The following MALRD1 variants were observed in gnomAD, a reference collection of about 807,000 sequenced individuals.
MALRD1 encodes MAM and LDL receptor class A domain containing 1.
In MALRD1, 247 loss-of-function variants were observed where a neutral mutation model predicts 242.1. The ratio of observed to expected loss-of-function variants is 1.02; its 90% CI spans 0.92 to 1.13. The LOEUF (loss-of-function observed/expected upper bound fraction) is 1.13, where lower values mean the gene tolerates loss of function less well. Among genes scored for constraint, MALRD1 ranks in the 50% most tolerant of loss-of-function variants. MALRD1 has a pLI of 0.00. For synonymous variants in MALRD1, 995 were observed against 866.6 expected, an observed-to-expected ratio of 1.15 and a Z score of -2.60; for missense variants, 2,989 against 2,533.1, an observed-to-expected ratio of 1.18 and a Z score of -3.86.
intron 36 of MALRD1, among the ~76,000 whole-genome samples, chr10:19,670,447 C>G (rs1376803255): frequency 1.3e-5 from 2 of 152,162 alleles, no homozygotes; most frequent in African/African-American, 4.8e-5. Context: ...TGGTCTTGCT[C>G]TCTTTTTCAG....
At chr10:19,724,149 G>A (rs865853830) in intron 38 of MALRD1, among the ~76,000 whole-genome samples, 6 of 152,140 alleles carry the variant, frequency 3.9e-5, no homozygotes, top group Admixed American at 1.3e-4. Flanking sequence ...TATTGTAACA[G>A]TGTTACTCCC....
At position 19,635,224 on chromosome 10, in the gene MALRD1, C is replaced by T. The variant is rs74930133; in HGVS notation, c.6137+19301C>T. 9.3e-3 allele frequency among the ~76,000 whole-genome samples: 1,407 copies of T among 151,758 alleles called. 18 individuals are homozygous for T. The highest frequency in any genetic ancestry group is 0.032 in the African/African-American group (1,320 of 41,390). On this transcript the variant is annotated intron_variant, in intron 36 of 39. Coordinates refer to ENST00000454679, the MANE Select transcript of MALRD1 (RefSeq NM_001142308.3). ...GAGAAAACTTCAATTCAAGAGAAGC[C>T]CAAAAATAAAACTCCAAGATAGTAA...
At chr10:19,491,273 A>T in intron 29 of MALRD1, 1 of 698,070 alleles carries the variant, frequency 1.4e-6, no homozygotes, top group Non-Finnish European at 2.4e-6. Context: ...TGAGAATCAC[A>T]GGCAAGGAGA....
intron 31 of MALRD1, among the ~76,000 whole-genome samples, chr10:19,519,434 C>T (rs1352131046): frequency 2.0e-5 from 3 of 152,088 alleles, no homozygotes; most frequent in Non-Finnish European, 2.9e-5. Context: ...TCATTATATA[C>T]TTTGAAAAAT....
At chr10:19,281,822 A>G (rs1265905790) in intron 20 of MALRD1, among the ~76,000 whole-genome samples, 3 of 152,062 alleles carry the variant, frequency 2.0e-5, no homozygotes, top group South Asian at 2.1e-4. Flanking sequence ...AAGAATACAC[A>G]AATTAGCTGG....
intron 28 of MALRD1, among the ~76,000 whole-genome samples, chr10:19,411,884 A>G (rs2130886465): frequency 6.6e-6 from 1 of 152,360 alleles, no homozygotes; most frequent in Admixed American, 6.5e-5. Context: ...TTCTGATTAA[A>G]TGTGTAAGCT....
intron 14 of MALRD1, among the ~76,000 whole-genome samples, chr10:19,191,301 A>G (rs1427822963): frequency 6.6e-6 from 1 of 152,172 alleles, no homozygotes; most frequent in Non-Finnish European, 1.5e-5. Context: ...CAAAAATAAT[A>G]AAAACCAAAA....
chr10:19,148,955 A>T (rs1833830381), intron 11 of MALRD1, among the ~76,000 whole-genome samples: 1 of 151,752 alleles, frequency 6.6e-6, no homozygotes, highest in Non-Finnish European at 1.5e-5. Flanking sequence ...GTGAAATGGA[A>T]ATTTCTGGTA....
chr10:19,231,536 G>T (rs548445658), intron 18 of MALRD1, among the ~76,000 whole-genome samples: 3 of 152,166 alleles, frequency 2.0e-5, no homozygotes, highest in African/African-American at 7.2e-5. Context: ...TGAATCATAG[G>T]GGCGGTTTCC....
intron 12 of MALRD1, among the ~76,000 whole-genome samples, chr10:19,161,715 CAT>C (rs1442525133): frequency 2.0e-5 from 3 of 152,024 alleles, no homozygotes; most frequent in Non-Finnish European, 4.4e-5. Context: ...CTACTAGCTA[CAT>C]AGAGCTATTG....
In MALRD1 at chr10:19,387,649, T is replaced by C; in HGVS notation, c.4563T>C (p.Cys1521=). ...NTDENECGSS[C]TFEKGWCGWQ... ...ATGAAAATGAGTGTGGTAGCTCCTG[T>C]ACTTTTGAAAAAGGCTGGTGTGGCT... The change falls in exon 27 of 40, where the codon TGT becomes TGC. Residue 1521 remains cysteine (C), a synonymous_variant. Transcript: ENST00000454679. The C allele has an allele frequency of 6.4e-7, 1 of 1,550,464 alleles. No homozygotes were observed. The highest frequency in any genetic ancestry group is 8.7e-7 in the Non-Finnish European group (1 of 1,146,882).
chr10:19,052,301 A>G, intron 1 of MALRD1: 1 of 174,498 alleles, frequency 5.7e-6, no homozygotes, highest in Non-Finnish European at 1.2e-5. Context: ...ACCTCAAAGT[A>G]CTGGAAAGGA....
chr10:19,692,092 A>G (rs887774767), intron 36 of MALRD1, among the ~76,000 whole-genome samples, 190 bp from the exon 37 acceptor site: 4 of 152,154 alleles, frequency 2.6e-5, no homozygotes, highest in South Asian at 2.1e-4. Flanking sequence ...ATCTTACACA[A>G]TGATATGAAA....
At chr10:19,698,847 G>C (rs1589416522) in intron 38 of MALRD1, among the ~76,000 whole-genome samples, 3 of 152,284 alleles carry the variant, frequency 2.0e-5, no homozygotes, top group Middle Eastern at 3.4e-3. Context: ...CTGTGGTATG[G>C]AATACTATGT....
intron 26 of MALRD1, among the ~76,000 whole-genome samples, chr10:19,375,376 G>T (rs1845552382): frequency 2.0e-5 from 3 of 152,152 alleles, no homozygotes; most frequent in Admixed American, 2.0e-4. Flanking sequence ...TTGATCTAGT[G>T]TTGTGTTTAT....
Position 19,162,071 on chromosome 10 carries a change from A to T in MALRD1, c.1657-3566A>T, listed in dbSNP as rs114691461. ...AACAACAACAACAACAACAAAAACA[A>T]AACCATAACTGAGGAAATGAATTTT... On this transcript the variant is annotated intron_variant, in intron 12 of 39. Coordinates refer to ENST00000454679, the MANE Select transcript of MALRD1 (RefSeq NM_001142308.3). Among the ~76,000 whole-genome samples the T allele has an allele frequency of 7.1e-3, 1,084 of 152,130 alleles. 17 individuals are homozygous for T. Among genetic ancestry groups the T allele is most frequent in the African/African-American group, 0.025 (1,035 of 41,522 alleles).
intron 1 of MALRD1, among the ~76,000 whole-genome samples, chr10:19,054,606 T>C (rs1327337848): frequency 6.6e-6 from 1 of 152,236 alleles, no homozygotes; most frequent in Non-Finnish European, 1.5e-5. Context: ...CATTTTCTGC[T>C]TCTCTAAGTT....
At chr10:19,234,840 C>T (rs999367349) in intron 18 of MALRD1, among the ~76,000 whole-genome samples, 1 of 152,100 alleles carries the variant, frequency 6.6e-6, no homozygotes, top group Non-Finnish European at 1.5e-5. Context: ...AAGGGGATGG[C>T]ATCTGACTCA....
At chr10:19,174,320 A>C (rs1354294618) in intron 13 of MALRD1, among the ~76,000 whole-genome samples, 2 of 152,066 alleles carry the variant, frequency 1.3e-5, no homozygotes, top group Non-Finnish European at 2.9e-5. Flanking sequence ...GCAGAGAGGG[A>C]CTCCAAGGTG....
Sources: allele counts gnomAD v4.1 joint callset (sites outside exome capture counted in the v4.1 genomes callset), GRCh38; gene constraint gnomAD v4.1.1; transcripts MANE v1.5; gene names NCBI Gene and HGNC (gene_info 2026-07-23, HGNC 2026-07-21).